MATR3: variants seen among roughly 807,000 people sequenced by gnomAD.
MATR3 encodes the protein matrin-3.
In MATR3, 4 loss-of-function variants were observed where a neutral mutation model predicts 85.5. The observed-to-expected ratio is 0.05, with a 90% CI of 0.02 to 0.11. The LOEUF (loss-of-function observed/expected upper bound fraction) is 0.11, where lower values mean the gene tolerates loss of function less well. Ranked by LOEUF, MATR3 falls within the 10% of genes least tolerant of loss-of-function variation. The pLI is 1.00. For synonymous variants in MATR3, 336 were observed against 343.1 expected (o/e 0.98, Z 0.23); for missense variants, 685 against 1,016.1 (o/e 0.67, Z 4.43).
chr5:139,306,350 C>G (rs1455155239), intron 1 of MATR3, among the ~76,000 whole-genome samples: 2 of 152,132 alleles, frequency 1.3e-5, no homozygotes, highest in Admixed American at 6.6e-5. Flanking sequence ...ACTGTGTAAC[C>G]AAGATCTCAT....
At chr5:139,300,614 AC>A (rs1234927239) in intron 1 of MATR3, among the ~76,000 whole-genome samples, 2 of 152,194 alleles carry the variant, frequency 1.3e-5, no homozygotes, top group African/African-American at 4.8e-5. Flanking sequence ...GATGATTACT[AC>A]GGTGCTGTGT....
At chr5:139,317,768 A>G (rs1290412452) in intron 7 of MATR3, 47 bp downstream of exon 7, 2 of 1,465,240 alleles carry the variant, frequency 1.4e-6, no homozygotes, top group Non-Finnish European at 1.9e-6. Flanking sequence ...TGCCACTAAT[A>G]TATGTTCTGC....
At chr5:139,276,325 C>T (rs552554505) in intron 2 of MATR3, 5 of 426,504 alleles carry the variant, frequency 1.2e-5, no homozygotes, top group Non-Finnish European at 2.4e-5. Flanking sequence ...AGCATAGTTG[C>T]TTATCCATTA....
Position 139,315,688 on chromosome 5 carries a change from T to C in MATR3, c.975-9T>C. 1 of 1,605,422 alleles carries C rather than the reference T, an allele frequency of 6.2e-7. No individual in the cohort carries two copies. Among genetic ancestry groups the C allele is most frequent in the Non-Finnish European group, 8.5e-7 (1 of 1,172,298 alleles). ...TTATTTTAAAGTTAATTTTCTGGTC[T>C]TTTTAAAGCTACCCAGAATGGAATC... On this transcript the variant is annotated splice_polypyrimidine_tract_variant and intron_variant, in intron 3 of 14. Coordinates refer to ENST00000394805, the MANE Select transcript of MATR3 (RefSeq NM_018834.6).
chr5:139,321,683 T>C (rs1390993682), intron 9 of MATR3: 4 of 562,466 alleles, frequency 7.1e-6, no homozygotes, highest in East Asian at 3.2e-5. Flanking sequence ...ACTGGGGGGC[T>C]AAGGTGGGAG....
intron 2 of MATR3, among the ~76,000 whole-genome samples, chr5:139,276,616 A>G (rs535426533): frequency 3.9e-4 from 59 of 152,334 alleles, no homozygotes; most frequent in Non-Finnish European, 6.2e-4. Context: ...TTTGGGTAGC[A>G]TGAAGTTACT....
chr5:139,303,874 G>T (rs377592497), intron 1 of MATR3, among the ~76,000 whole-genome samples: 1 of 152,050 alleles, frequency 6.6e-6, no homozygotes, highest in African/African-American at 2.4e-5. Flanking sequence ...GGACTTACCG[G>T]TAATCTTTAA....
At position 139,307,118 on chromosome 5, in the gene MATR3, T is replaced by G; in HGVS notation, c.-177-121T>G. On this transcript the variant is annotated intron_variant, in intron 1 of 14. Coordinates refer to ENST00000394805, the MANE Select transcript of MATR3 (RefSeq NM_018834.6). This position sits in a 1 kb window ranked among gnomAD's most constrained non-coding sequence, Gnocchi z 4.4. ...TGTTTAAGATATGTAATAAATTCCTTGTAAGTTTGAGATCTTAAATGTTTT... is the reference window on the plus strand; with the variant it reads ...TGTTTAAGATATGTAATAAATTCCTGGTAAGTTTGAGATCTTAAATGTTTT... 3 of 590,174 alleles carry G rather than the reference T, an allele frequency of 5.1e-6. No homozygotes were observed. The highest frequency in any genetic ancestry group is 6.8e-6 in the Non-Finnish European group (3 of 442,132). 36.6% of individuals were successfully genotyped at this position (590,174 alleles called of 1,614,324 possible). A position where few individuals can be genotyped will look rare whatever the true frequency, so the allele number is the denominator to read the frequency against.
At chr5:139,294,144 TGGGCGG>T in intron 1 of MATR3, 1 of 1,046,560 alleles carries the variant, frequency 9.6e-7, no homozygotes, top group Non-Finnish European at 1.2e-6. Flanking sequence ...GGGCTCGTTG[TGGGCGG>T]GGGCGGGACG....
intron 2 of MATR3, chr5:139,278,469 T>G: frequency 2.4e-6 from 1 of 424,368 alleles, no homozygotes; most frequent in African/African-American, 2.0e-5. Flanking sequence ...TGTGGGCTAG[T>G]TGGTATCTAT....
At chr5:139,301,434 C>T (rs1033521622) in intron 1 of MATR3, among the ~76,000 whole-genome samples, 1 of 152,096 alleles carries the variant, frequency 6.6e-6, no homozygotes, top group African/African-American at 2.4e-5. Flanking sequence ...ATTCTCCTGC[C>T]TCAGCCTCCC....
At chr5:139,276,942 G>A (rs1220598111) in intron 2 of MATR3, among the ~76,000 whole-genome samples, 1 of 152,126 alleles carries the variant, frequency 6.6e-6, no homozygotes, top group East Asian at 1.9e-4. Context: ...TCTGGGAACT[G>A]AACAACTACA....
intron 1 of MATR3, among the ~76,000 whole-genome samples, chr5:139,298,939 A>G (rs183491486): frequency 4.6e-5 from 7 of 152,356 alleles, no homozygotes; most frequent in East Asian, 3.9e-4. Context: ...TTAACTCACA[A>G]TTGTGGATAA....
intron 1 of MATR3, among the ~76,000 whole-genome samples, chr5:139,297,865 C>T (rs989624213): frequency 6.6e-6 from 1 of 152,182 alleles, no homozygotes; most frequent in African/African-American, 2.4e-5. Flanking sequence ...ACCTTAAAAA[C>T]ATCTTATCTG....
intron 3 of MATR3, among the ~76,000 whole-genome samples, chr5:139,281,656 T>C (rs1174007833): frequency 6.6e-6 from 1 of 152,072 alleles, no homozygotes; most frequent in Non-Finnish European, 1.5e-5. Flanking sequence ...CCAGCCGAAG[T>C]AGTTTTTTTC....
chr5:139,309,346 A>G (rs1302535563), intron 2 of MATR3, among the ~76,000 whole-genome samples: 1 of 152,170 alleles, frequency 6.6e-6, no homozygotes, highest in African/African-American at 2.4e-5. Context: ...AGTTGCTGCC[A>G]TGAAATTGAT....
At chr5:139,274,939 T>C (rs1180158255) in intron 1 of MATR3, among the ~76,000 whole-genome samples, 1 of 151,676 alleles carries the variant, frequency 6.6e-6, no homozygotes, top group African/African-American at 2.4e-5. Context: ...AAATGGTGAC[T>C]GTGTAGGAAT....
chr5:139,312,406 C>G (rs1174012824), intron 2 of MATR3: 2 of 152,070 alleles, frequency 1.3e-5, no homozygotes, highest in Admixed American at 6.5e-5. Flanking sequence ...CCCTTACAAG[C>G]CATTTTAAAA....
intron 2 of MATR3, chr5:139,313,025 G>GT (rs34073207): frequency 0.012 from 1,595 of 134,144 alleles, 19 homozygotes; most frequent in African/African-American, 0.03. Context: ...ATATAAACCA[G>GT]TTTTTTTTTT....
Sources: allele counts gnomAD v4.1 joint callset (sites outside exome capture counted in the v4.1 genomes callset), GRCh38; gene constraint gnomAD v4.1.1; non-coding constraint Gnocchi (gnomAD v3.1); transcripts MANE v1.5; gene names NCBI Gene and HGNC (gene_info 2026-07-23, HGNC 2026-07-21).